SSC4D: variants seen among roughly 807,000 people sequenced by gnomAD.
SSC4D encodes the protein scavenger receptor cysteine rich family member with 4 domains.
A neutral mutation model predicts 63.4 loss-of-function variants in SSC4D; 57 were observed. That is an observed-to-expected ratio of 0.90 (90% CI 0.73 to 1.12). The LOEUF (loss-of-function observed/expected upper bound fraction) is 1.12. SSC4D is among the 50% of genes most tolerant of loss of function. The pLI, the probability that SSC4D is intolerant of heterozygous loss-of-function variation, is 0.00. For missense variants in SSC4D, 791 were observed against 806.4 expected, an observed-to-expected ratio of 0.98 and a Z score of 0.23; for synonymous variants, 352 against 345.4, an observed-to-expected ratio of 1.02 and a Z score of -0.21.
intron 1 of SSC4D, among the ~76,000 whole-genome samples, chr7:76,408,890 G>A (rs1563688994): frequency 6.6e-6 from 1 of 152,076 alleles, no homozygotes; most frequent in Admixed American, 6.6e-5. Flanking sequence ...CTAACACAGC[G>A]GTTCATATTG....
chr7:76,399,800 T>C (rs914559089), intron 4 of SSC4D, among the ~76,000 whole-genome samples: 2 of 152,086 alleles, frequency 1.3e-5, no homozygotes, highest in African/African-American at 4.8e-5. Flanking sequence ...CTGGAGTTAC[T>C]GGCATAAACC....
At chr7:76,401,144 C>T (rs1804814650) in intron 2 of SSC4D, 101 bp from the exon 3 acceptor site, 2 of 1,406,682 alleles carry the variant, frequency 1.4e-6, no homozygotes, top group African/African-American at 1.5e-5. Flanking sequence ...AACATTACCC[C>T]CATCTTCTTG....
chr7:76,400,000 T>TA (rs1279596672), intron 4 of SSC4D, among the ~76,000 whole-genome samples: 1 of 152,110 alleles, frequency 6.6e-6, no homozygotes, highest in African/African-American at 2.4e-5. Flanking sequence ...CCAAAATCTC[T>TA]AAAAAAATTT....
chr7:76,405,348 T>TC (rs1471163670), intron 1 of SSC4D, among the ~76,000 whole-genome samples: 30 of 112,414 alleles, frequency 2.7e-4, no homozygotes, highest in South Asian at 6.3e-4. Flanking sequence ...TCTTTTTTTT[T>TC]TTTTTTTTTT....
At chr7:76,406,232 C>T (rs1174233299) in intron 1 of SSC4D, among the ~76,000 whole-genome samples, 1 of 152,132 alleles carries the variant, frequency 6.6e-6, no homozygotes, top group Non-Finnish European at 1.5e-5. Context: ...CGCGCCTCAG[C>T]CTCCCAAAGT....
At chr7:76,399,443 C>T (rs1804742831) in intron 4 of SSC4D, among the ~76,000 whole-genome samples, 1 of 152,168 alleles carries the variant, frequency 6.6e-6, no homozygotes, top group Admixed American at 6.6e-5. Flanking sequence ...ATGAGACCCC[C>T]TGATTTTCTT....
chr7:76,394,861 TATAAG>T (rs112436333), intron 7 of SSC4D, among the ~76,000 whole-genome samples: 7,247 of 146,682 alleles, frequency 0.049, 552 homozygotes, highest in African/African-American at 0.16. Flanking sequence ...ATATAATATA[TATAAG>T]ATATTTATTT....
At chr7:76,399,487 C>T (rs1804744725) in intron 4 of SSC4D, among the ~76,000 whole-genome samples, 2 of 152,116 alleles carry the variant, frequency 1.3e-5, no homozygotes, top group South Asian at 4.1e-4. Context: ...GTTTCCGCTG[C>T]AGCTCTATGC....
chr7:76,400,611 G>T lies in SSC4D; in HGVS notation c.170-20C>A. 7.0e-7 allele frequency: 1 copy of T among 1,433,782 alleles called. No homozygotes were observed. 88.8% of individuals were successfully genotyped at this position (1,433,782 alleles called of 1,614,324 possible). On this transcript the variant is annotated intron_variant, in intron 3 of 10. Coordinates refer to ENST00000275560, the MANE Select transcript of SSC4D (RefSeq NM_080744.2). ...TCAGCTCTGTGAAGAGGGTGGAGCT[G>T]GCACCAGGGGGTCACTGAGTCCAAC...
chr7:76,394,583 A>G (rs1427049543), intron 7 of SSC4D, among the ~76,000 whole-genome samples: 1 of 149,382 alleles, frequency 6.7e-6, no homozygotes, highest in Non-Finnish European at 1.5e-5. Context: ...ATTTTTATTT[A>G]TTTATTTTTA....
chr7:76,393,816 G>T lies in SSC4D; in HGVS notation c.1021+14C>A. Reference sequence around the variant, plus strand: ...CCTTCCCCATCCCCCGCAGACCCAGGCACCGCCACTTACTTTTCTTCCCCG... The same window carrying T: ...CCTTCCCCATCCCCCGCAGACCCAGTCACCGCCACTTACTTTTCTTCCCCG... On this transcript the variant is annotated intron_variant, in intron 8 of 10. Transcript: ENST00000275560. The T allele has an allele frequency of 6.3e-7, 1 of 1,581,302 alleles. No homozygotes were observed. Among genetic ancestry groups the T allele is most frequent in the Non-Finnish European group, 8.6e-7 (1 of 1,162,068 alleles).
chr7:76,405,729 G>A (rs540895082), intron 1 of SSC4D, among the ~76,000 whole-genome samples: 5 of 152,208 alleles, frequency 3.3e-5, no homozygotes, highest in African/African-American at 9.6e-5. Context: ...GGATGGAAAC[G>A]CATGAGGAGT....
chr7:76,398,919 AAG>A, intron 4 of SSC4D, 122 bp from the exon 5 acceptor site: 1 of 953,022 alleles, frequency 1.0e-6, no homozygotes, highest in South Asian at 1.5e-5. Context: ...TGGCCACACA[AAG>A]AGTCACAGCC....
At chr7:76,401,115 C>T in intron 2 of SSC4D, 72 bp from the exon 3 acceptor site, 1 of 1,473,248 alleles carries the variant, frequency 6.8e-7, no homozygotes, top group Non-Finnish European at 9.0e-7. Flanking sequence ...GAACACACCC[C>T]CCAACTCCCA....
At chr7:76,404,616 A>T in intron 1 of SSC4D, 111 bp from the exon 2 acceptor site, 1 of 823,102 alleles carries the variant, frequency 1.2e-6, no homozygotes, top group Non-Finnish European at 1.9e-6. Context: ...ACATAGTGAG[A>T]CCCCCATCTC....
In SSC4D at chr7:76,398,817, G is replaced by A; in HGVS notation, c.476-20C>T. The A allele has an allele frequency of 1.9e-6, 3 of 1,610,148 alleles. No homozygotes were observed. Among genetic ancestry groups the A allele is most frequent in the Non-Finnish European group, 2.5e-6 (3 of 1,177,568 alleles). On this transcript the variant is annotated intron_variant, in intron 4 of 10. Coordinates refer to ENST00000275560, the MANE Select transcript of SSC4D (RefSeq NM_080744.2). ...AGAATTCTGGAAAGGAAGTGAAGTG[G>A]ATACAGGGGTCTTTCTGTTCTCCAT...
intron 6 of SSC4D, 33 bp downstream of exon 6, chr7:76,397,485 C>T (rs910302882): frequency 6.9e-7 from 1 of 1,455,514 alleles, no homozygotes; most frequent in Non-Finnish European, 9.0e-7. Flanking sequence ...GCCCACCTGC[C>T]CCGGCCCCGC....
chr7:76,409,329 A>AGT (rs879336374), intron 1 of SSC4D, 85 bp downstream of exon 1: 7,936 of 47,158 alleles, frequency 0.17, 282 homozygotes, highest in Middle Eastern at 0.37. Context: ...TGTCTCACAC[A>AGT]CACACACACA....
chr7:76,397,708 GA>G lies in SSC4D; in HGVS notation c.677del (p.Val226AlafsTer195). On this transcript the variant is annotated frameshift_variant, in exon 6 of 11. Coordinates refer to ENST00000275560, the MANE Select transcript of SSC4D (RefSeq NM_080744.2). LOFTEE classifies it high-confidence loss of function. ...CCGCCCCGCAGCCCAGCTGACGACA[GA>G]CCACAGCGGCATCCGGCAGCCCCCA... ...DDWGLPDAAV[V>X]CRQLGCGAAM... The G allele has an allele frequency of 1.2e-6, 2 of 1,613,448 alleles. No homozygotes were observed. The highest frequency in any genetic ancestry group is 1.7e-6 in the Non-Finnish European group (2 of 1,179,870).
Sources: gnomAD v4.1 joint callset for allele counts (sites outside exome capture counted in the v4.1 genomes callset) on GRCh38, gnomAD v4.1.1 for gene constraint, MANE v1.5 for transcripts, NCBI Gene and HGNC (gene_info 2026-07-23, HGNC 2026-07-21) for gene names.